The following ERI2 variants were observed in gnomAD, a reference collection of about 807,000 sequenced individuals.
The protein encoded by ERI2 is ERI1 exoribonuclease family member 2.
Under a neutral mutation model 46.8 loss-of-function variants are expected in ERI2, and 35 were observed. The ratio of observed to expected loss-of-function variants is 0.75; its 90% CI spans 0.57 to 0.99. ERI2 has a LOEUF of 0.99. Ranked by LOEUF, ERI2 falls within the 50% of genes least tolerant of loss-of-function variation. The pLI, the probability that ERI2 is intolerant of heterozygous loss-of-function variation, is 0.00. For synonymous variants in ERI2, 224 were observed against 271.0 expected, an observed-to-expected ratio of 0.83 and a Z score of 1.70; for missense variants, 695 against 796.2, an observed-to-expected ratio of 0.87 and a Z score of 1.53.
At chr16:20,782,992 G>C (rs2080386456) in intron 10 of ERI2, among the ~76,000 whole-genome samples, 1 of 152,122 alleles carries the variant, frequency 6.6e-6, no homozygotes, top group Non-Finnish European at 1.5e-5. Context: ...TTTTTTGGAG[G>C]CTCCATTATG....
At chr16:20,805,499 A>T (rs1418400363) in intron 1 of ERI2, among the ~76,000 whole-genome samples, 3 of 152,250 alleles carry the variant, frequency 2.0e-5, no homozygotes, top group Non-Finnish European at 2.9e-5. Context: ...TCCCCGTCTA[A>T]TTAGGAATAA....
chr16:20,787,249 C>T (rs572306516), intron 10 of ERI2, among the ~76,000 whole-genome samples: 1 of 152,326 alleles, frequency 6.6e-6, no homozygotes, highest in African/African-American at 2.4e-5. Context: ...TGACTGGGAG[C>T]TGTGACTTAC....
At chr16:20,789,395 A>G (rs752664901) in intron 10 of ERI2, 116 of 999,576 alleles carry the variant, frequency 1.2e-4, no homozygotes, top group Non-Finnish European at 1.7e-4. Context: ...TTAAGTACTT[A>G]ATAAATGCTA....
rs1336397583 is a variant in ERI2, at chr16:20,798,489, T to C, written c.1311A>G (p.Ser437=). ...CCATTAATCTTTCTCCAGAATTAAA[T>C]GAAATCTCTAAGTCTGAGTCACTAA... ...VPISDSDLEI[S]FNSGERLMVL... The change falls in exon 9 of 9, where the codon TCA becomes TCG. Residue 437 remains serine (S), a synonymous_variant. Coordinates refer to ENST00000357967, the MANE Select transcript of ERI2 (RefSeq NM_001142725.2). 1.3e-6 allele frequency: 2 copies of C among 1,551,456 alleles called. No homozygotes were observed. The highest frequency in any genetic ancestry group is 2.0e-5 in the Admixed American group (1 of 50,980).
chr16:20,793,185 C>T (rs574296787), downstream of ERI2, among the ~76,000 whole-genome samples: 1 of 152,224 alleles, frequency 6.6e-6, no homozygotes, highest in African/African-American at 2.4e-5. Context: ...AAGTTTAAGG[C>T]AGGCCAGGCA....
At chr16:20,789,990 G>A (rs568466690) in intron 9 of ERI2, among the ~76,000 whole-genome samples, 6 of 151,722 alleles carry the variant, frequency 4.0e-5, no homozygotes, top group Admixed American at 3.3e-4. Context: ...CCTATTTTTC[G>A]ATTTATCTAT....
At chr16:20,801,848 T>C (rs1380014469) in intron 4 of ERI2, among the ~76,000 whole-genome samples, 5 of 152,040 alleles carry the variant, frequency 3.3e-5, no homozygotes, top group Non-Finnish European at 7.4e-5. Context: ...AACCTCCACC[T>C]CCTGGGTTCA....
In ERI2 at chr16:20,806,423, G is replaced by C; in HGVS notation, c.8C>G (p.Thr3Ser). The C allele has an allele frequency of 6.4e-7, 1 of 1,553,190 alleles. No individual in the cohort carries two copies. The highest frequency in any genetic ancestry group is 1.4e-5 in the African/African-American group (1 of 73,264). MA[T>S]KRLARQLGLI... ...CCTCGAGTACCGCGCGAGCCGCTTG[G>C]TCGCCATTCCCGACACTCCTTGCTT... The change falls in exon 1 of 9, where the codon ACC becomes AGC. Residue 3 changes from threonine (T) to serine (S), a missense_variant. Physicochemically the swap from Thr to Ser is moderately conservative, Grantham distance 58. Coordinates refer to ENST00000357967, the MANE Select transcript of ERI2 (RefSeq NM_001142725.2).
Position 20,780,771 on chromosome 16 carries a change from A to AT in ERI2, c.895-38dup, listed in dbSNP as rs748461710. 3.7e-6 allele frequency: 6 copies of AT among 1,614,192 alleles called. No individual in the cohort carries two copies. In the African/African-American group the frequency reaches 8.0e-5, roughly 22 times the overall value. ...CAAAACACAATGAGATCATGGCCAT[A>AT]TTCTTTACCAGTGGAACAAGTGGAT... is the stretch of plus-strand genomic sequence containing the variant. On this transcript the variant is annotated intron_variant, in intron 10 of 10. Transcript: ENST00000300005.
At position 20,796,916 on chromosome 16, in the gene ERI2, A is replaced by G. The variant is rs1255227285; in HGVS notation, c.*808T>C. 15 of 1,612,918 alleles carry G rather than the reference A, an allele frequency of 9.3e-6. No homozygotes were observed. Among genetic ancestry groups the G allele is most frequent in the Non-Finnish European group, 1.3e-5 (15 of 1,179,562 alleles). On this transcript the variant is annotated 3_prime_UTR_variant, in exon 9 of 9. Coordinates refer to ENST00000357967, the MANE Select transcript of ERI2 (RefSeq NM_001142725.2). ...ATTTATTCAAGAGCTGCCAAAGACTATCAGTGGGAAGACAAAAAGAAATGA... is the reference window on the plus strand; with the variant it reads ...ATTTATTCAAGAGCTGCCAAAGACTGTCAGTGGGAAGACAAAAAGAAATGA...
At position 20,798,884 on chromosome 16, in the gene ERI2, C is replaced by A; in HGVS notation, c.916G>T (p.Ala306Ser). 1 of 1,550,324 alleles carries A rather than the reference C, an allele frequency of 6.5e-7. No homozygotes were observed. The highest frequency in any genetic ancestry group is 8.7e-7 in the Non-Finnish European group (1 of 1,146,628). Residue 306 changes from alanine to serine, a missense_variant, in exon 9 of 9, where the codon GCA becomes TCA. Ala to Ser is a moderately conservative substitution (Grantham distance 99). Coordinates refer to ENST00000357967, the MANE Select transcript of ERI2 (RefSeq NM_001142725.2). ...TTTACTTGTAATTGATCCTGTTGTGCCTTTATAGGAGAATTTGCACAAATT... is the reference window on the plus strand; with the variant it reads ...TTTACTTGTAATTGATCCTGTTGTGACTTTATAGGAGAATTTGCACAAATT... ...KSICANSPIK[A>S]QQDQLQVKNN... is the part of the protein sequence containing the mutation.
chr16:20,792,452 CAG>C (rs1178677119), downstream of ERI2: 7 of 1,543,324 alleles, frequency 4.5e-6, no homozygotes, highest in Non-Finnish European at 6.2e-6. Flanking sequence ...ATATGCAAGT[CAG>C]ATAGAAATAT....
At chr16:20,787,604 A>G (rs1012826) in intron 10 of ERI2, among the ~76,000 whole-genome samples, 94,472 of 152,092 alleles carry the variant, frequency 0.62, 30,457 homozygotes, top group Non-Finnish European at 0.72. Flanking sequence ...TTAGGATCAA[A>G]TAAGTTTGAG....
intron 7 of ERI2, 113 bp downstream of exon 7, chr16:20,799,841 GTTT>G: frequency 1.9e-6 from 1 of 529,742 alleles, no homozygotes; most frequent in Non-Finnish European, 3.4e-6. Context: ...TAGATTAGGA[GTTT>G]TTTTTTTTTA....
At chr16:20,806,010 A>C in intron 1 of ERI2, 1 of 1,136,288 alleles carries the variant, frequency 8.8e-7, no homozygotes, top group Non-Finnish European at 1.1e-6. Flanking sequence ...ATTTCTTTAC[A>C]GCACCGAGGA....
intron 9 of ERI2, chr16:20,789,629 C>A: frequency 9.6e-7 from 1 of 1,046,736 alleles, no homozygotes; most frequent in Non-Finnish European, 1.5e-6. Context: ...AGACCTATTG[C>A]TAAATGATAA....
chr16:20,785,243 T>C, intron 10 of ERI2: 1 of 1,251,350 alleles, frequency 8.0e-7, no homozygotes. Flanking sequence ...AAAACAATGC[T>C]TGCAAGAACC....
rs2080738715 is a variant in ERI2 at position 20,797,145 on chromosome 16, G to C, written c.*579C>G. 1 of 1,353,674 alleles carries C rather than the reference G, an allele frequency of 7.4e-7. No homozygotes were observed. Among genetic ancestry groups the C allele is most frequent in the South Asian group, 1.9e-5 (1 of 52,228 alleles). The allele number at this position is 1,353,674 out of a possible 1,614,324, so 83.9% of individuals were successfully genotyped here. A position where few individuals can be genotyped will look rare whatever the true frequency, so the allele number is the denominator to read the frequency against. ...GCTAAATTTTGAAATAAAATATTTG[G>C]CAAATTCCTCCACATTAGTGTCAAT... On this transcript the variant is annotated 3_prime_UTR_variant, in exon 9 of 9. Coordinates refer to ENST00000357967, the MANE Select transcript of ERI2 (RefSeq NM_001142725.2).
At chr16:20,799,898 T>C (rs2080778160) in intron 7 of ERI2, 59 bp downstream of exon 7, 1 of 1,027,002 alleles carries the variant, frequency 9.7e-7, no homozygotes, top group South Asian at 1.4e-5. Context: ...AAAAATGAAA[T>C]TCATATGAAG....
Sources: allele counts gnomAD v4.1 joint callset (sites outside exome capture counted in the v4.1 genomes callset), GRCh38; gene constraint gnomAD v4.1.1; transcripts MANE v1.5; gene names NCBI Gene and HGNC (gene_info 2026-07-23, HGNC 2026-07-21).